ZNF521: variants seen among roughly 807,000 people sequenced by gnomAD.
The protein encoded by ZNF521 is zinc finger protein 521.
A neutral mutation model predicts 105.5 loss-of-function variants in ZNF521; 14 were observed. That is an observed-to-expected ratio of 0.13 (90% confidence interval 0.09 to 0.21). The LOEUF (loss-of-function observed/expected upper bound fraction) is 0.21, where lower values mean the gene tolerates loss of function less well. ZNF521 is among the 10% of genes least tolerant of loss of function. The probability of loss-of-function intolerance (pLI) is 1.00; values close to 1 mark genes in which losing one functional copy is unlikely to be tolerated. For missense variants in ZNF521, 1,233 were observed against 1,629.7 expected (o/e 0.76, Z 4.19); for synonymous variants, 635 against 606.0 (o/e 1.05, Z -0.70).
In ZNF521 at chr18:25,225,219, A is replaced by C. The variant is rs763042074; in HGVS notation, c.2699T>G (p.Leu900Trp). 1 of 1,614,128 alleles carries C rather than the reference A, an allele frequency of 6.2e-7. No individual in the cohort carries two copies. The stretch of plus-strand genomic sequence containing the variant: ...GTCTCGGAGCTGGTGATTCTGCAGC[A>C]AAGTTTCCATAGTGTAGGCTGCCCC... ...ICGAAYTMET[L>W]LQNHQLRDHN... is the part of the protein sequence containing the mutation. Residue 900 changes from leucine (L) to tryptophan (W), a missense_variant, in exon 4 of 8, where the codon TTG (leucine) becomes TGG (tryptophan). Leu to Trp is a moderately conservative substitution (Grantham distance 61, BLOSUM62 -2). Coordinates refer to ENST00000361524, the MANE Select transcript of ZNF521 (RefSeq NM_015461.3). The surrounding 1 kb of genome is among the most constrained non-coding windows in gnomAD (Gnocchi z 5.6).
chr18:25,200,984 A>G (rs1159961160), intron 4 of ZNF521: 3 of 150,320 alleles, frequency 2.0e-5, no homozygotes, highest in African/African-American at 7.3e-5. Flanking sequence ...CTGCTTTACT[A>G]GTGTTTGATT....
intron 2 of ZNF521, among the ~76,000 whole-genome samples, chr18:25,343,519 T>C (rs1914326178): frequency 6.6e-6 from 1 of 152,196 alleles, no homozygotes; most frequent in Admixed American, 6.5e-5. Context: ...AAAATTATCA[T>C]AACCAAAATA....
chr18:25,088,702 T>C (rs371567833), intron 7 of ZNF521, among the ~76,000 whole-genome samples: 14 of 147,912 alleles, frequency 9.5e-5, no homozygotes, highest in African/African-American at 2.7e-4. Context: ...ACTTCTGGAA[T>C]AGAATCTAGG....
chr18:25,327,745 T>C (rs952008546), intron 2 of ZNF521: 3 of 512,776 alleles, frequency 5.9e-6, no homozygotes, highest in Middle Eastern at 3.2e-4. Flanking sequence ...TGTTATAAAA[T>C]GGCAAGCAGA....
chr18:25,245,994 C>A (rs1600207706), intron 3 of ZNF521, among the ~76,000 whole-genome samples: 1 of 152,020 alleles, frequency 6.6e-6, no homozygotes, highest in South Asian at 2.1e-4. Context: ...CAGAGTGAGA[C>A]CCTTCTCTTA....
chr18:25,314,248 A>G (rs2145120294), intron 3 of ZNF521, among the ~76,000 whole-genome samples: 1 of 152,302 alleles, frequency 6.6e-6, no homozygotes, highest in East Asian at 1.9e-4. Context: ...ACGATGCTTC[A>G]TTCTGTAAAC....
At chr18:25,181,912 T>G (rs981223806) in intron 5 of ZNF521, among the ~76,000 whole-genome samples, 2 of 152,214 alleles carry the variant, frequency 1.3e-5, no homozygotes, top group Non-Finnish European at 2.9e-5. Flanking sequence ...TTAAGGAAAC[T>G]GGTGTAAATG....
rs1196813143 is a variant in ZNF521 at position 25,329,245 on chromosome 18, T to A, written c.41-7058A>T. Among the ~76,000 whole-genome samples the A allele has an allele frequency of 4.6e-5, 7 of 151,078 alleles. No homozygotes were observed. In the East Asian group the frequency reaches 1.4e-3, roughly 29 times the overall value. On this transcript the variant is annotated intron_variant, in intron 2 of 7. Transcript: ENST00000361524. ...GCTTGGGGTGACTGGAAACTGCAAG[T>A]CTGTCTTCCCTGGCCTTGAGTGGTT...
At chr18:25,351,098 C>T (rs1452125788) in intron 1 of ZNF521, 151 bp from the exon 2 acceptor site, 6 of 335,222 alleles carry the variant, frequency 1.8e-5, no homozygotes, top group East Asian at 1.4e-4. Context: ...GCTCCGGCTC[C>T]GGCTCGCGCT....
intron 7 of ZNF521, among the ~76,000 whole-genome samples, chr18:25,069,952 T>G (rs2033175858): frequency 6.6e-6 from 1 of 152,218 alleles, no homozygotes; most frequent in South Asian, 2.1e-4. Flanking sequence ...TTTCATATGG[T>G]AATGTCATCA....
chr18:25,178,314 T>G (rs1297245669), intron 5 of ZNF521, among the ~76,000 whole-genome samples: 1 of 152,244 alleles, frequency 6.6e-6, no homozygotes, highest in Non-Finnish European at 1.5e-5. Flanking sequence ...AAGACAGGAC[T>G]GAGGCACATA....
chr18:25,154,935 A>G (rs2035114855), intron 5 of ZNF521, among the ~76,000 whole-genome samples: 1 of 152,068 alleles, frequency 6.6e-6, no homozygotes, highest in Non-Finnish European at 1.5e-5. Context: ...GTCCTATATT[A>G]CTTCTATTTT....
At chr18:25,248,554 G>T (rs1600211559) in intron 3 of ZNF521, among the ~76,000 whole-genome samples, 1 of 152,244 alleles carries the variant, frequency 6.6e-6, no homozygotes, top group Admixed American at 6.5e-5. Context: ...AATTTGAAAA[G>T]CTATATTGAT....
chr18:25,144,620 C>T (rs918687251), intron 5 of ZNF521, among the ~76,000 whole-genome samples: 1 of 151,878 alleles, frequency 6.6e-6, no homozygotes, highest in African/African-American at 2.4e-5. Context: ...AGTGATAGAA[C>T]AAACCCAGGT....
chr18:25,349,673 GCGGGAA>G (rs2145235751), intron 2 of ZNF521, among the ~76,000 whole-genome samples: 1 of 151,828 alleles, frequency 6.6e-6, no homozygotes, highest in East Asian at 2.0e-4. Context: ...GGAAGCTGGT[GCGGGAA>G]CCGGGGCCAC....
chr18:25,212,999 T>C (rs1420578618), intron 4 of ZNF521, among the ~76,000 whole-genome samples: 3 of 151,608 alleles, frequency 2.0e-5, no homozygotes, highest in Non-Finnish European at 4.4e-5. Context: ...CATTATAATC[T>C]GTATATTTTC....
At chr18:25,099,815 T>C (rs1326885467) in intron 5 of ZNF521, among the ~76,000 whole-genome samples, 1 of 152,236 alleles carries the variant, frequency 6.6e-6, no homozygotes. Context: ...AGTACAGGTA[T>C]ATTTACCTTT....
chr18:25,103,314 C>T (rs1171163541), intron 5 of ZNF521, among the ~76,000 whole-genome samples: 3 of 152,054 alleles, frequency 2.0e-5, no homozygotes, highest in Non-Finnish European at 2.9e-5. Context: ...AAACTGTTAC[C>T]CAAAACCCTG....
intron 3 of ZNF521, among the ~76,000 whole-genome samples, chr18:25,236,535 C>CAAAA: frequency 8.2e-6 from 1 of 122,296 alleles, no homozygotes; most frequent in Non-Finnish European, 1.8e-5. Flanking sequence ...GACTCCATCT[C>CAAAA]AAAAAAAAAA....
Sources: gnomAD v4.1 joint callset for allele counts (sites outside exome capture counted in the v4.1 genomes callset) on GRCh38, gnomAD v4.1.1 for gene constraint, Gnocchi (gnomAD v3.1) non-coding constraint, MANE v1.5 for transcripts, NCBI Gene and HGNC (gene_info 2026-07-23, HGNC 2026-07-21) for gene names.